The following HSPA12A variants were observed in gnomAD, a reference collection of about 807,000 sequenced individuals.
HSPA12A encodes heat shock 70 kDa protein 12A.
HSPA12A carries 28 observed loss-of-function variants against 69.2 expected under a neutral mutation model. The observed-to-expected ratio is 0.40, with a 90% CI of 0.30 to 0.55. The LOEUF is 0.55. Among genes scored for constraint, HSPA12A ranks in the 20% least tolerant of loss-of-function variants. The pLI is 0.38. For synonymous variants in HSPA12A, 345 were observed against 370.5 expected (o/e 0.93, Z 0.79); for missense variants, 686 against 900.7 (o/e 0.76, Z 3.05).
chr10:116,810,577 G>A (rs1044836284), intron 2 of HSPA12A, among the ~76,000 whole-genome samples: 2 of 152,188 alleles, frequency 1.3e-5, no homozygotes, highest in Non-Finnish European at 2.9e-5. Context: ...GAGCCTGAGG[G>A]TCTCTGCAGA....
intron 1 of HSPA12A, among the ~76,000 whole-genome samples, chr10:116,713,924 T>C (rs1376976705): frequency 1.3e-5 from 2 of 152,174 alleles, no homozygotes; most frequent in South Asian, 2.1e-4. Context: ...ACTCTGCTTG[T>C]TGGGGTAGGG....
At chr10:116,677,601 ACT>A (rs1849277356) in intron 10 of HSPA12A, among the ~76,000 whole-genome samples, 1 of 152,222 alleles carries the variant, frequency 6.6e-6, no homozygotes, top group Admixed American at 6.5e-5. Context: ...GAGGGTCCAG[ACT>A]GGCCCTGCTC....
chr10:116,744,692 A>T (rs1042011457), upstream of HSPA12A, among the ~76,000 whole-genome samples: 6 of 152,234 alleles, frequency 3.9e-5, no homozygotes, highest in Non-Finnish European at 8.8e-5. Context: ...CGCCCTGCTG[A>T]GCACACCATC....
At chr10:116,700,753 T>C (rs1056774668) in intron 4 of HSPA12A, among the ~76,000 whole-genome samples, 190 bp downstream of exon 4, 1 of 152,156 alleles carries the variant, frequency 6.6e-6, no homozygotes, top group Non-Finnish European at 1.5e-5. Context: ...TTGGAAAGCA[T>C]CGCATATTCC....
chr10:116,707,141 GCACCCATGCGCGCACA>G (rs1397590368), intron 2 of HSPA12A, 43 bp downstream of exon 2: 1 of 1,329,764 alleles, frequency 7.5e-7, no homozygotes, highest in African/African-American at 1.7e-5. Flanking sequence ...GTGCTCATGC[GCACCCATGCGCGCACA>G]CACACACACA....
At chr10:116,848,685 ACTTC>A (rs1308028596) in intron 1 of HSPA12A, among the ~76,000 whole-genome samples, 3 of 152,182 alleles carry the variant, frequency 2.0e-5, no homozygotes, top group Non-Finnish European at 4.4e-5. Context: ...CCAGGAAGGC[ACTTC>A]GGATTGAAAA....
intron 1 of HSPA12A, among the ~76,000 whole-genome samples, chr10:116,733,793 C>T (rs1189334820): frequency 6.6e-6 from 1 of 152,132 alleles, no homozygotes; most frequent in South Asian, 2.1e-4. Context: ...TTTAAATGAA[C>T]ACTTATCCCA....
chr10:116,699,692 G>A (rs1202386875), intron 4 of HSPA12A, among the ~76,000 whole-genome samples: 2 of 152,144 alleles, frequency 1.3e-5, no homozygotes, highest in African/African-American at 4.8e-5. Flanking sequence ...CCAGCTTTAG[G>A]GCAGCAGCTC....
intron 2 of HSPA12A, among the ~76,000 whole-genome samples, chr10:116,780,466 C>T (rs1844440334): frequency 6.6e-6 from 1 of 152,106 alleles, no homozygotes; most frequent in Non-Finnish European, 1.5e-5. Flanking sequence ...ATCCTCCCAC[C>T]TCAGCCTCCT....
intron 2 of HSPA12A, among the ~76,000 whole-genome samples, chr10:116,747,907 G>A (rs1165904356): frequency 2.6e-5 from 4 of 152,178 alleles, no homozygotes; most frequent in African/African-American, 9.7e-5. Context: ...GCTGAGGCAG[G>A]AGAATTGCTT....
rs563590796 is a variant in HSPA12A at position 116,690,079 on chromosome 10, A to T, written c.663+2272T>A. Among the ~76,000 whole-genome samples, 195 of 152,298 alleles carry T rather than the reference A, an allele frequency of 1.3e-3. 1 individual carries two copies. The highest frequency in any genetic ancestry group is 4.5e-3 in the African/African-American group (189 of 41,574). On this transcript the variant is annotated intron_variant, in intron 6 of 11. Coordinates refer to ENST00000369209, the MANE Select transcript of HSPA12A (RefSeq NM_025015.3). ...ATCATCACAGGTACATATCTTTCTTATTCTGTATAATAATGGGGGATGGAG... is the reference window on the plus strand; with the variant it reads ...ATCATCACAGGTACATATCTTTCTTTTTCTGTATAATAATGGGGGATGGAG...
At chr10:116,809,509 A>G (rs571256967) in intron 2 of HSPA12A, among the ~76,000 whole-genome samples, 1 of 152,352 alleles carries the variant, frequency 6.6e-6, no homozygotes, top group East Asian at 1.9e-4. Context: ...CAAGGTGAGG[A>G]TTCCACGGGA....
At chr10:116,849,198 C>A (rs2133233485) in intron 1 of HSPA12A, among the ~76,000 whole-genome samples, 1 of 152,306 alleles carries the variant, frequency 6.6e-6, no homozygotes, top group African/African-American at 2.4e-5. Context: ...GAGCGCGCGA[C>A]CCCAGCCGGA....
chr10:116,703,880 T>A (rs1285479914), intron 3 of HSPA12A, among the ~76,000 whole-genome samples: 6 of 152,216 alleles, frequency 3.9e-5, no homozygotes, highest in African/African-American at 1.4e-4. Context: ...TGGCTGAGAT[T>A]CCCCTCATGC....
At chr10:116,849,377 A>T (rs1845981149) in intron 1 of HSPA12A, 3 of 698,800 alleles carry the variant, frequency 4.3e-6, no homozygotes, top group African/African-American at 1.9e-5. Flanking sequence ...CCGCAGGGAG[A>T]AAAGACAGAG....
At chr10:116,738,490 A>G (rs973834315) in intron 1 of HSPA12A, among the ~76,000 whole-genome samples, 1 of 152,210 alleles carries the variant, frequency 6.6e-6, no homozygotes, top group African/African-American at 2.4e-5. Flanking sequence ...CAACTCCAGC[A>G]TTCACTGGTT....
At chr10:116,697,794 C>T in intron 5 of HSPA12A, among the ~76,000 whole-genome samples, 1 of 152,188 alleles carries the variant, frequency 6.6e-6, no homozygotes, top group East Asian at 1.9e-4. Flanking sequence ...AATTTCATCA[C>T]TCCTCAAAGA....
intron 2 of HSPA12A, among the ~76,000 whole-genome samples, chr10:116,771,790 G>A (rs984878839): frequency 1.0e-4 from 11 of 105,622 alleles, no homozygotes; most frequent in South Asian, 3.0e-4. Context: ...AGGCAGAAAA[G>A]GGGACAATGG....
At chr10:116,813,587 A>G (rs1272284139) in intron 2 of HSPA12A, among the ~76,000 whole-genome samples, 4 of 152,018 alleles carry the variant, frequency 2.6e-5, no homozygotes, top group African/African-American at 9.7e-5. Flanking sequence ...GCATTCAATT[A>G]AAAACTCTAA....
Sources: gnomAD v4.1 joint callset for allele counts (sites outside exome capture counted in the v4.1 genomes callset) on GRCh38, gnomAD v4.1.1 for gene constraint, MANE v1.5 for transcripts, NCBI Gene and HGNC (gene_info 2026-07-23, HGNC 2026-07-21) for gene names.